ARHGAP10: variants seen among roughly 807,000 people sequenced by gnomAD.
The protein encoded by ARHGAP10 is rho GTPase-activating protein 10.
A neutral mutation model predicts 108.6 loss-of-function variants in ARHGAP10; 87 were observed. The observed-to-expected ratio is 0.80, with a 90% CI of 0.67 to 0.96. ARHGAP10 has a LOEUF of 0.96. Among genes scored for constraint, ARHGAP10 ranks in the 40% least tolerant of loss-of-function variants. The probability of loss-of-function intolerance (pLI) is 0.00; values close to 1 mark genes in which losing one functional copy is unlikely to be tolerated. For missense variants in ARHGAP10, 939 were observed against 954.5 expected, an observed-to-expected ratio of 0.98 and a Z score of 0.21; for synonymous variants, 347 against 341.1, an observed-to-expected ratio of 1.02 and a Z score of -0.19.
chr4:147,966,962 G>A (rs941740590), intron 18 of ARHGAP10, 123 bp downstream of exon 18: 2 of 894,148 alleles, frequency 2.2e-6, no homozygotes, highest in Non-Finnish European at 3.1e-6. Context: ...TTCTCACTGT[G>A]ATGAGCTTGG....
At chr4:147,878,251 A>G (rs1036742621) in intron 8 of ARHGAP10, among the ~76,000 whole-genome samples, 1 of 152,008 alleles carries the variant, frequency 6.6e-6, no homozygotes, top group African/African-American at 2.4e-5. Flanking sequence ...GCGTGCCACC[A>G]CGCCTGGCTA....
intron 1 of ARHGAP10, among the ~76,000 whole-genome samples, chr4:147,812,483 C>T (rs1217340540): frequency 6.6e-6 from 1 of 152,108 alleles, no homozygotes; most frequent in Non-Finnish European, 1.5e-5. Context: ...TCCTTTCCTT[C>T]CTTCTTTCCT....
intron 1 of ARHGAP10, among the ~76,000 whole-genome samples, chr4:147,743,888 G>A (rs538664316): frequency 1.4e-4 from 22 of 152,270 alleles, no homozygotes; most frequent in African/African-American, 5.1e-4. Flanking sequence ...CTGAACCATA[G>A]TGAACTCTCT....
At chr4:147,974,425 A>C (rs958092156) in intron 18 of ARHGAP10, among the ~76,000 whole-genome samples, 6 of 152,196 alleles carry the variant, frequency 3.9e-5, no homozygotes, top group Admixed American at 2.6e-4. Context: ...TGTGAAAAGC[A>C]TCAAAGATCA....
At chr4:147,741,592 A>T (rs1384847661) in intron 1 of ARHGAP10, among the ~76,000 whole-genome samples, 1 of 152,140 alleles carries the variant, frequency 6.6e-6, no homozygotes, top group Non-Finnish European at 1.5e-5. Flanking sequence ...CAAAGCAAAC[A>T]CTGGCAGGTC....
chr4:147,982,302 A>G lies in ARHGAP10; in HGVS notation c.1716+15463A>G, dbSNP rs117458526. Among the ~76,000 whole-genome samples the G allele has an allele frequency of 3.7e-4, 55 of 150,488 alleles. No homozygotes were observed. In the East Asian group the frequency reaches 9.3e-3, roughly 25 times the overall value. On this transcript the variant is annotated intron_variant, in intron 18 of 22. Coordinates refer to ENST00000336498, the MANE Select transcript of ARHGAP10 (RefSeq NM_024605.4). ...GTTGATCTTGGAAAGTCTGATGACT[A>G]TGTGCCTTGGACTCGGTCGTCTTGT...
intron 21 of ARHGAP10, among the ~76,000 whole-genome samples, chr4:148,063,825 C>T (rs1040729606): frequency 8.5e-5 from 13 of 152,158 alleles, no homozygotes; most frequent in Non-Finnish European, 1.9e-4. Flanking sequence ...GCATGGTTTC[C>T]GTCCTTTCCA....
intron 19 of ARHGAP10, 41 bp downstream of exon 19, chr4:148,023,454 G>T (rs1741651119): frequency 6.3e-7 from 1 of 1,593,554 alleles, no homozygotes; most frequent in African/African-American, 1.3e-5. Context: ...AGCATGTTGA[G>T]AGTATGGCGT....
intron 1 of ARHGAP10, among the ~76,000 whole-genome samples, chr4:147,787,761 G>A (rs1730951771): frequency 1.3e-5 from 2 of 152,082 alleles, no homozygotes; most frequent in Non-Finnish European, 2.9e-5. Flanking sequence ...ACTGAATCCT[G>A]TCGCCTTGTG....
intron 7 of ARHGAP10, among the ~76,000 whole-genome samples, chr4:147,870,357 G>A (rs571834432): frequency 1.4e-4 from 21 of 152,160 alleles, no homozygotes; most frequent in Admixed American, 1.0e-3. Context: ...CACCGCGCCC[G>A]GCCGCATATA....
At position 147,954,709 on chromosome 4, in the gene ARHGAP10, C is replaced by T. The variant is rs113345634; in HGVS notation, c.1392-607C>T. 3.9e-5 allele frequency among the ~76,000 whole-genome samples: 6 copies of T among 152,086 alleles called. 2 individuals are homozygous for T. Among genetic ancestry groups the T allele is most frequent in the African/African-American group, 1.4e-4 (6 of 41,550 alleles). On this transcript the variant is annotated intron_variant, in intron 15 of 22. Coordinates refer to ENST00000336498, the MANE Select transcript of ARHGAP10 (RefSeq NM_024605.4). ...AAGATATGTAGCAAGGTGGACTGAA[C>T]TGTAGCATTTCTGTTGATCACAGGA... is the stretch of plus-strand genomic sequence containing the variant.
chr4:147,913,910 T>G (rs1334548033), intron 13 of ARHGAP10, among the ~76,000 whole-genome samples: 1 of 152,164 alleles, frequency 6.6e-6, no homozygotes, highest in Non-Finnish European at 1.5e-5. Flanking sequence ...CCCAGCACTT[T>G]GGGAGGCTGC....
Position 147,875,030 on chromosome 4 carries a change from C to T in ARHGAP10, c.712C>T (p.Arg238Ter), listed in dbSNP as rs546648027. 16 of 1,583,492 alleles carry T rather than the reference C, an allele frequency of 1.0e-5. No individual in the cohort carries two copies. The East Asian group carries it at 1.1e-4, about 11-fold the overall frequency. The part of the protein sequence containing the change: ...LQINIQNTRN[R>*]FEGTRSEVEE... ...TTTTAATCCATTTCAGACACGGAAT[C>T]GATTTGAAGGAACAAGGTCAGAAGT... The change falls in exon 8 of 23, where the codon CGA becomes TGA. Residue 238 changes from arginine to a stop codon, truncating the protein, a stop_gained. Coordinates refer to ENST00000336498, the MANE Select transcript of ARHGAP10 (RefSeq NM_024605.4). LOFTEE classifies it high-confidence loss of function.
chr4:147,840,406 C>T (rs559691754), intron 3 of ARHGAP10, among the ~76,000 whole-genome samples: 7 of 152,070 alleles, frequency 4.6e-5, no homozygotes, highest in Non-Finnish European at 8.8e-5. Flanking sequence ...CATGAAACAT[C>T]TAGTTTTTTT....
chr4:148,053,842 G>C (rs527947070), intron 20 of ARHGAP10, among the ~76,000 whole-genome samples: 1 of 152,288 alleles, frequency 6.6e-6, no homozygotes, highest in South Asian at 2.1e-4. Flanking sequence ...TGGCACTTGC[G>C]TGTGGCCTAA....
At chr4:147,935,869 G>T (rs1264564940) in intron 13 of ARHGAP10, among the ~76,000 whole-genome samples, 4 of 152,202 alleles carry the variant, frequency 2.6e-5, no homozygotes, top group African/African-American at 4.8e-5. Flanking sequence ...ACTGTGTTGA[G>T]TAGCTTTAAT....
intron 1 of ARHGAP10, among the ~76,000 whole-genome samples, chr4:147,767,592 C>G (rs1729890201): frequency 6.6e-6 from 1 of 152,040 alleles, no homozygotes; most frequent in Non-Finnish European, 1.5e-5. Context: ...AAGTGTGCAC[C>G]TGTAGTCCCA....
At chr4:147,802,930 C>T (rs867031250) in intron 1 of ARHGAP10, among the ~76,000 whole-genome samples, 1 of 152,100 alleles carries the variant, frequency 6.6e-6, no homozygotes, top group Non-Finnish European at 1.5e-5. Flanking sequence ...TGTGGAAGTG[C>T]GGACTGTGAC....
intron 14 of ARHGAP10, among the ~76,000 whole-genome samples, chr4:147,943,462 G>A (rs1358421162): frequency 6.6e-6 from 1 of 152,202 alleles, no homozygotes; most frequent in Non-Finnish European, 1.5e-5. Context: ...GCTTTTTCAA[G>A]TACTTTAAAA....
Sources: gnomAD v4.1 joint callset for allele counts (sites outside exome capture counted in the v4.1 genomes callset) on GRCh38, gnomAD v4.1.1 for gene constraint, MANE v1.5 for transcripts, NCBI Gene and HGNC (gene_info 2026-07-23, HGNC 2026-07-21) for gene names.